The following BRWD1 variants were observed in gnomAD, a reference collection of about 807,000 sequenced individuals.
BRWD1 encodes bromodomain and WD repeat domain containing 1.
BRWD1 carries 82 observed loss-of-function variants against 251.2 expected under a neutral mutation model. That is an observed-to-expected ratio of 0.33 (90% CI 0.27 to 0.39). The LOEUF is 0.39. Among genes scored for constraint, BRWD1 ranks in the 10% least tolerant of loss-of-function variants. The probability of loss-of-function intolerance (pLI) is 1.00; values close to 1 mark genes in which losing one functional copy is unlikely to be tolerated. For missense variants in BRWD1, 2,233 were observed against 2,711.6 expected, an observed-to-expected ratio of 0.82 and a Z score of 3.92; for synonymous variants, 918 against 902.8, an observed-to-expected ratio of 1.02 and a Z score of -0.30.
chr21:39,285,463 G>A (rs143206663), intron 8 of BRWD1, among the ~76,000 whole-genome samples: 1,650 of 152,266 alleles, frequency 0.011, 23 homozygotes, highest in African/African-American at 0.037. Flanking sequence ...AAGACAGCTA[G>A]AAGAGAAGAT....
In BRWD1 at chr21:39,190,163, A is replaced by G. The variant is rs187048231; in HGVS notation, c.*6096T>C. ...GGTGAATAGAAACCTGGATACAAAC[A>G]TAACAGTTCTGACTCAACACAATCT... is the stretch of plus-strand genomic sequence containing the variant. On this transcript the variant is annotated 3_prime_UTR_variant, in exon 41 of 41. Coordinates refer to ENST00000342449, the MANE Select transcript of BRWD1 (RefSeq NM_033656.4). 205 of 984,870 alleles carry G rather than the reference A, an allele frequency of 2.1e-4. No homozygotes were observed. In the African/African-American group the frequency reaches 3.1e-3, roughly 15 times the overall value. The allele number at this position is 984,870 out of a possible 1,614,324, so 61.0% of individuals were successfully genotyped here. A position where few individuals can be genotyped will look rare whatever the true frequency, so the allele number is the denominator to read the frequency against.
intron 4 of BRWD1, among the ~76,000 whole-genome samples, chr21:39,312,129 T>C (rs565606369): frequency 2.6e-5 from 4 of 152,358 alleles, no homozygotes; most frequent in Admixed American, 6.5e-5. Flanking sequence ...GCAAGTTATA[T>C]AGAAACATTA....
At chr21:39,320,524 G>A (rs11911666) in intron 1 of BRWD1, among the ~76,000 whole-genome samples, 2,173 of 151,908 alleles carry the variant, frequency 0.014, 48 homozygotes, top group African/African-American at 0.049. Context: ...TTCTACAGAC[G>A]GGGATTCACC....
chr21:39,305,724 A>C (rs1046335587), intron 4 of BRWD1, among the ~76,000 whole-genome samples: 1 of 152,206 alleles, frequency 6.6e-6, no homozygotes, highest in East Asian at 1.9e-4. Flanking sequence ...TTAGCTGGGC[A>C]TGGTGGCATG....
At chr21:39,224,998 T>C (rs1361196288) in intron 28 of BRWD1, 88 bp downstream of exon 28, 1 of 1,036,626 alleles carries the variant, frequency 9.6e-7, no homozygotes, top group African/African-American at 1.6e-5. Flanking sequence ...AAAACCATGT[T>C]TTTTTAAAAA....
chr21:39,216,837 G>A (rs1195388553), intron 31 of BRWD1: 1 of 211,714 alleles, frequency 4.7e-6, no homozygotes. Flanking sequence ...TGTTACACAG[G>A]GAAACTTGTG....
chr21:39,293,973 T>C lies in BRWD1; in HGVS notation c.669A>G (p.Thr223=), dbSNP rs2035884510. Residue 223 remains threonine, a synonymous_variant, in exon 8 of 41, where the codon ACA becomes ACG. Coordinates refer to ENST00000342449, the MANE Select transcript of BRWD1 (RefSeq NM_033656.4). ...WSTHNGRLLS[T]LRGHSAEISD... is the part of the protein sequence containing the mutation. Reference sequence around the variant, plus strand: ...AAATTTCTGCAGAATGACCTCTTAATGTAGATAACAAGCGGCCATTATGTG... The same window carrying C: ...AAATTTCTGCAGAATGACCTCTTAACGTAGATAACAAGCGGCCATTATGTG... 6 of 1,614,194 alleles carry C rather than the reference T, an allele frequency of 3.7e-6. No homozygotes were observed. Among genetic ancestry groups the C allele is most frequent in the Non-Finnish European group, 5.1e-6 (6 of 1,180,046 alleles).
chr21:39,214,751 T>C (rs990429004), intron 32 of BRWD1, among the ~76,000 whole-genome samples: 3 of 152,244 alleles, frequency 2.0e-5, no homozygotes, highest in East Asian at 3.9e-4. Flanking sequence ...TTTTAAAAAG[T>C]TGAAAAACTG....
chr21:39,214,559 CAT>C (rs2032801656), intron 32 of BRWD1, among the ~76,000 whole-genome samples: 1 of 151,846 alleles, frequency 6.6e-6, no homozygotes, highest in Admixed American at 6.6e-5. Context: ...GATTCTGAAA[CAT>C]AAAAGGGTGT....
intron 12 of BRWD1, among the ~76,000 whole-genome samples, chr21:39,275,441 CTACAAT>C (rs1423145200): frequency 6.6e-6 from 1 of 152,120 alleles, no homozygotes; most frequent in African/African-American, 2.4e-5. Flanking sequence ...CTGGCAGAAA[CTACAAT>C]TCTAAAAACT....
chr21:39,258,697 T>C, intron 17 of BRWD1, 25 bp from the exon 18 acceptor site: 1 of 1,457,600 alleles, frequency 6.9e-7, no homozygotes, highest in Non-Finnish European at 9.1e-7. Context: ...ATTTAATATA[T>C]AATCATATAA....
At chr21:39,313,929 C>G (rs2036623961), upstream of BRWD1, 2 of 335,206 alleles carry the variant, frequency 6.0e-6, no homozygotes, top group African/African-American at 2.3e-5. Flanking sequence ...CCGGGTGGCC[C>G]AGCAGCGGGC....
At chr21:39,253,666 A>T (rs1170154496) in intron 19 of BRWD1, among the ~76,000 whole-genome samples, 1 of 152,194 alleles carries the variant, frequency 6.6e-6, no homozygotes, top group Admixed American at 6.5e-5. Flanking sequence ...CCAAATTCAC[A>T]GAACAATATA....
chr21:39,293,369 T>A (rs1415212197), intron 8 of BRWD1, among the ~76,000 whole-genome samples: 1 of 151,846 alleles, frequency 6.6e-6, no homozygotes, highest in African/African-American at 2.4e-5. Context: ...GGTGGACACC[T>A]GTAATTCTAG....
At chr21:39,257,598 T>C (rs1455688653) in intron 18 of BRWD1, among the ~76,000 whole-genome samples, 1 of 152,000 alleles carries the variant, frequency 6.6e-6, no homozygotes, top group Non-Finnish European at 1.5e-5. Context: ...TTGGGACAAC[T>C]GGGGAAGAGT....
chr21:39,224,423 G>A lies in BRWD1; in HGVS notation c.3367C>T (p.Pro1123Ser), dbSNP rs1481392488. ...ATATATATACCATTATCAGGAATTG[G>A]TTCCATGTCCCATGGGCTAAGTTTT... ...IEKLSPWDMEPIPDNVDPPEE... is the reference protein window; with the variant it reads ...IEKLSPWDMESIPDNVDPPEE... Residue 1123 changes from proline to serine, a missense_variant, in exon 29 of 41, where the codon CCA (proline) becomes TCA (serine). This residue lies in a region of BRWD1 where 139 missense variants were observed against 272.8 expected (regional missense o/e 0.51). Coordinates refer to ENST00000342449, the MANE Select transcript of BRWD1 (RefSeq NM_033656.4). The A allele has an allele frequency of 6.3e-7, 1 of 1,588,148 alleles. No individual in the cohort carries two copies. The highest frequency in any genetic ancestry group is 8.6e-7 in the Non-Finnish European group (1 of 1,163,562).
At chr21:39,307,890 A>T (rs571222164) in intron 4 of BRWD1, among the ~76,000 whole-genome samples, 1 of 152,256 alleles carries the variant, frequency 6.6e-6, no homozygotes, top group Admixed American at 6.5e-5. Flanking sequence ...GACTATAGAG[A>T]TCTATCATTC....
chr21:39,261,706 G>A (rs1601409348), intron 17 of BRWD1, among the ~76,000 whole-genome samples: 1 of 151,026 alleles, frequency 6.6e-6, no homozygotes, highest in African/African-American at 2.4e-5. Context: ...AAATAAACAG[G>A]TATTGCTAGT....
At chr21:39,276,127 T>C (rs2035273493) in intron 12 of BRWD1, 46 bp downstream of exon 12, 1 of 1,535,532 alleles carries the variant, frequency 6.5e-7, no homozygotes. Flanking sequence ...TAGCACATTA[T>C]ATTTGCCTAA....
Sources: allele counts gnomAD v4.1 joint callset (sites outside exome capture counted in the v4.1 genomes callset), GRCh38; gene constraint gnomAD v4.1.1; regional missense constraint gnomAD v4.1.1; transcripts MANE v1.5; gene names NCBI Gene and HGNC (gene_info 2026-07-23, HGNC 2026-07-21).